PACRG: variants seen among roughly 807,000 people sequenced by gnomAD.
PACRG encodes parkin coregulated gene protein.
Under a neutral mutation model 29.7 loss-of-function variants are expected in PACRG, and 29 were observed. The observed-to-expected ratio is 0.98, with a 90% CI of 0.73 to 1.33. The LOEUF (loss-of-function observed/expected upper bound fraction) is 1.33. Ranked by LOEUF, PACRG falls within the 40% of genes most tolerant of loss-of-function variation. The pLI, the probability that PACRG is intolerant of heterozygous loss-of-function variation, is 0.00. For missense variants in PACRG, 279 were observed against 316.2 expected (o/e 0.88, Z 0.89); for synonymous variants, 116 against 118.7 (o/e 0.98, Z 0.15).
At chr6:162,844,630 T>C (rs186216268) in intron 2 of PACRG, among the ~76,000 whole-genome samples, 4 of 152,324 alleles carry the variant, frequency 2.6e-5, no homozygotes, top group African/African-American at 9.6e-5. Context: ...CTTAACATCA[T>C]TTTTGAGGCT....
intron 4 of PACRG, among the ~76,000 whole-genome samples, chr6:163,166,884 A>C (rs2128344491): frequency 6.6e-6 from 1 of 152,342 alleles, no homozygotes; most frequent in African/African-American, 2.4e-5. Context: ...TTTGTTGCAA[A>C]CCTAGTCCAC....
chr6:163,239,476 G>C (rs1219754742), intron 4 of PACRG, among the ~76,000 whole-genome samples: 1 of 152,084 alleles, frequency 6.6e-6, no homozygotes, highest in Non-Finnish European at 1.5e-5. Context: ...AATCATGTCT[G>C]TAAGAATTAG....
chr6:162,825,333 G>A (rs563573409), intron 2 of PACRG, among the ~76,000 whole-genome samples: 153 of 152,272 alleles, frequency 1.0e-3, no homozygotes, highest in African/African-American at 3.6e-3. Flanking sequence ...GATTAAATAC[G>A]AGCTGGGCTT....
At chr6:162,821,982 C>A (rs1165644028) in intron 2 of PACRG, among the ~76,000 whole-genome samples, 1 of 152,180 alleles carries the variant, frequency 6.6e-6, no homozygotes, top group Admixed American at 6.5e-5. Context: ...TCCCAGATAA[C>A]AACTTTTAGT....
chr6:163,061,006 G>C (rs1034843335), intron 2 of PACRG, among the ~76,000 whole-genome samples: 1 of 151,976 alleles, frequency 6.6e-6, no homozygotes, highest in Non-Finnish European at 1.5e-5. Context: ...TAGGGAATAT[G>C]TATATATGTA....
At chr6:163,082,209 A>G (rs570760491) in intron 3 of PACRG, among the ~76,000 whole-genome samples, 12 of 152,202 alleles carry the variant, frequency 7.9e-5, no homozygotes, top group Non-Finnish European at 1.8e-4. Flanking sequence ...TGCAGGATCT[A>G]TGTGAAAAAA....
At chr6:163,003,219 C>T (rs1379234847) in intron 2 of PACRG, among the ~76,000 whole-genome samples, 1 of 152,064 alleles carries the variant, frequency 6.6e-6, no homozygotes, top group Non-Finnish European at 1.5e-5. Context: ...TGGATAAGTA[C>T]GTGTTGTCAG....
intron 2 of PACRG, among the ~76,000 whole-genome samples, chr6:163,039,091 T>A (rs1808461158): frequency 6.6e-6 from 1 of 152,194 alleles, no homozygotes; most frequent in Non-Finnish European, 1.5e-5. Context: ...TGAGGGCAGT[T>A]TACCCCGTGC....
At chr6:162,798,610 A>C (rs1785581062) in intron 1 of PACRG, among the ~76,000 whole-genome samples, 1 of 152,194 alleles carries the variant, frequency 6.6e-6, no homozygotes, top group African/African-American at 2.4e-5. Context: ...AAATGTTCAC[A>C]CTAGAAATTA....
chr6:162,827,260 G>T (rs1788367016), intron 2 of PACRG, among the ~76,000 whole-genome samples: 1 of 152,124 alleles, frequency 6.6e-6, no homozygotes, highest in Admixed American at 6.5e-5. Context: ...TTCTGTTGGT[G>T]TGGGCTATAA....
At position 162,995,665 on chromosome 6, in the gene PACRG, G is replaced by A. The variant is rs374252985; in HGVS notation, c.292-66485G>A. 5.1e-4 allele frequency among the ~76,000 whole-genome samples: 77 copies of A among 152,332 alleles called. No homozygotes were observed. The South Asian group carries it at 9.1e-3, about 18-fold the overall frequency. ...TGGCACTCCCTAGTGAGATGAACCC[G>A]GTACCTCCGATGGAAATGCAGAAAT... On this transcript the variant is annotated intron_variant, in intron 2 of 4. Transcript: ENST00000366888.
chr6:163,096,839 A>G (rs1470283627), intron 4 of PACRG, among the ~76,000 whole-genome samples: 1 of 152,212 alleles, frequency 6.6e-6, no homozygotes, highest in Non-Finnish European at 1.5e-5. Context: ...AATCTTTTTA[A>G]GTTAATATCA....
At chr6:163,148,395 G>A (rs182073584) in intron 4 of PACRG, among the ~76,000 whole-genome samples, 3 of 152,250 alleles carry the variant, frequency 2.0e-5, no homozygotes, top group Admixed American at 6.5e-5. Context: ...ATTGAAAGGC[G>A]TGATCCTGGA....
chr6:163,009,000 C>A (rs1805378559), intron 2 of PACRG, among the ~76,000 whole-genome samples: 1 of 152,098 alleles, frequency 6.6e-6, no homozygotes, highest in South Asian at 2.1e-4. Context: ...TGACAATTTG[C>A]TTTCTAAGAT....
intron 2 of PACRG, among the ~76,000 whole-genome samples, chr6:162,898,407 A>G (rs1795320270): frequency 6.6e-6 from 1 of 152,220 alleles, no homozygotes; most frequent in Admixed American, 6.5e-5. Context: ...TACCTTGTCT[A>G]CCGGAATGCA....
At chr6:162,821,804 C>T (rs1326175346) in intron 2 of PACRG, among the ~76,000 whole-genome samples, 1 of 152,132 alleles carries the variant, frequency 6.6e-6, no homozygotes, top group Non-Finnish European at 1.5e-5. Context: ...ACAGTTCGCT[C>T]CTGTCTTATC....
chr6:163,286,121 T>A (rs1784393865), intron 4 of PACRG, among the ~76,000 whole-genome samples: 3 of 152,228 alleles, frequency 2.0e-5, no homozygotes, highest in Admixed American at 2.0e-4. Flanking sequence ...TACTGACAAT[T>A]CATGCTATTT....
rs1785398487 is a variant in PACRG at position 163,311,147 on chromosome 6, G to T, written c.614-3680G>T. ...ATTCTTAACCAAGAACAACTTTGAGGCAGTAGGTCACATGCCTCCTGCATG... is the reference window on the plus strand; with the variant it reads ...ATTCTTAACCAAGAACAACTTTGAGTCAGTAGGTCACATGCCTCCTGCATG... On this transcript the variant is annotated intron_variant, in intron 4 of 4. Transcript: ENST00000366888. Among the ~76,000 whole-genome samples the T allele has an allele frequency of 2.0e-5, 3 of 152,110 alleles. No homozygotes were observed. In the South Asian group the frequency reaches 6.2e-4, roughly 32 times the overall value.
At chr6:163,181,937 T>G (rs946549205) in intron 4 of PACRG, among the ~76,000 whole-genome samples, 1 of 152,202 alleles carries the variant, frequency 6.6e-6, no homozygotes, top group Non-Finnish European at 1.5e-5. Flanking sequence ...TCACAGCAGC[T>G]TTGTCATTGA....
Sources: gnomAD v4.1 joint callset for allele counts (sites outside exome capture counted in the v4.1 genomes callset) on GRCh38, gnomAD v4.1.1 for gene constraint, MANE v1.5 for transcripts, NCBI Gene and HGNC (gene_info 2026-07-23, HGNC 2026-07-21) for gene names.